THSD4: variants seen among roughly 807,000 people sequenced by gnomAD.
THSD4 encodes the protein thrombospondin type-1 domain-containing protein 4.
THSD4 carries 69 observed loss-of-function variants against 119.0 expected under a neutral mutation model. The ratio of observed to expected loss-of-function variants is 0.58; its 90% CI spans 0.48 to 0.71. The LOEUF (loss-of-function observed/expected upper bound fraction) is 0.71. Among genes scored for constraint, THSD4 ranks in the 30% least tolerant of loss-of-function variants. The pLI, the probability that THSD4 is intolerant of heterozygous loss-of-function variation, is 0.00. For missense variants in THSD4, 1,393 were observed against 1,391.1 expected (o/e 1.00, Z -0.02); for synonymous variants, 524 against 540.4 (o/e 0.97, Z 0.42).
At chr15:71,600,798 G>T (rs1048820816) in intron 7 of THSD4, among the ~76,000 whole-genome samples, 1 of 150,710 alleles carries the variant, frequency 6.6e-6, no homozygotes, top group Admixed American at 6.6e-5. Flanking sequence ...CTGGACTGGA[G>T]TGCTGTGGCG....
At chr15:71,403,592 G>T (rs753158154) in intron 6 of THSD4, among the ~76,000 whole-genome samples, 1 of 152,180 alleles carries the variant, frequency 6.6e-6, no homozygotes, top group Non-Finnish European at 1.5e-5. Context: ...TACCAAGAAT[G>T]CAAGGCCCTG....
chr15:71,346,959 C>T (rs1411558315), intron 6 of THSD4, among the ~76,000 whole-genome samples: 3 of 146,498 alleles, frequency 2.0e-5, no homozygotes, highest in South Asian at 2.2e-4. Context: ...CCGCAGCCTC[C>T]GCCTCCTGGG....
At chr15:71,287,117 C>T (rs2044728214) in intron 6 of THSD4, among the ~76,000 whole-genome samples, 1 of 152,116 alleles carries the variant, frequency 6.6e-6, no homozygotes, top group Admixed American at 6.5e-5. Context: ...GAGTCAAAGT[C>T]GTAGTCACAA....
chr15:71,669,293 A>G (rs966818030), intron 8 of THSD4, among the ~76,000 whole-genome samples: 3 of 152,066 alleles, frequency 2.0e-5, no homozygotes, highest in African/African-American at 7.2e-5. Context: ...TTTCTTATTG[A>G]TTTTAAGAAC....
intron 8 of THSD4, among the ~76,000 whole-genome samples, chr15:71,703,965 T>A (rs1423291876): frequency 6.6e-6 from 1 of 152,172 alleles, no homozygotes; most frequent in African/African-American, 2.4e-5. Context: ...TTCTTCTGCC[T>A]CAGCCTCCCG....
chr15:71,580,860 CAT>C (rs2049544749), intron 7 of THSD4, among the ~76,000 whole-genome samples: 1 of 151,816 alleles, frequency 6.6e-6, no homozygotes, highest in South Asian at 2.1e-4. Context: ...CCATTATATA[CAT>C]ATATATGTGT....
intron 1 of THSD4, among the ~76,000 whole-genome samples, chr15:71,100,401 CA>C (rs1464528253): frequency 6.6e-6 from 1 of 152,068 alleles, no homozygotes; most frequent in African/African-American, 2.4e-5. Flanking sequence ...TCCAACAGCC[CA>C]AAAGAAATGA....
chr15:71,123,903 C>T (rs1471582385), intron 1 of THSD4, among the ~76,000 whole-genome samples: 1 of 152,246 alleles, frequency 6.6e-6, no homozygotes, highest in Non-Finnish European at 1.5e-5. Flanking sequence ...GGTCTCAAAA[C>T]ACATAGCTTT....
intron 7 of THSD4, among the ~76,000 whole-genome samples, chr15:71,578,629 G>T (rs773531813): frequency 1.3e-5 from 2 of 151,458 alleles, no homozygotes; most frequent in East Asian, 2.0e-4. Context: ...AAGCCACCAC[G>T]CCCAGCCTAT....
chr15:71,161,990 A>C (rs2043253747), intron 3 of THSD4, among the ~76,000 whole-genome samples: 1 of 151,984 alleles, frequency 6.6e-6, no homozygotes, highest in Admixed American at 6.6e-5. Context: ...AAACAACTTA[A>C]CTTTAGTTGC....
chr15:71,587,787 T>TAAAAAAAAAAAAA (rs1207231444), intron 7 of THSD4, among the ~76,000 whole-genome samples: 4 of 105,542 alleles, frequency 3.8e-5, no homozygotes, highest in African/African-American at 7.2e-5. Context: ...AAAAAAAAAT[T>TAAAAAAAAAAAAA]AAAAAAAAAA....
chr15:71,441,093 C>T (rs1284835150), intron 7 of THSD4, among the ~76,000 whole-genome samples: 2 of 152,112 alleles, frequency 1.3e-5, no homozygotes, highest in African/African-American at 4.8e-5. Context: ...ACTGAGTCCA[C>T]ATCATAAAAT....
chr15:71,220,373 C>T (rs916262152), intron 4 of THSD4, among the ~76,000 whole-genome samples: 5 of 152,292 alleles, frequency 3.3e-5, no homozygotes, highest in South Asian at 2.1e-4. Flanking sequence ...CAAGCACATA[C>T]GTAGTATAAA....
chr15:71,488,790 G>T (rs893466749), intron 7 of THSD4, among the ~76,000 whole-genome samples: 1 of 151,858 alleles, frequency 6.6e-6, no homozygotes, highest in Non-Finnish European at 1.5e-5. Context: ...ACTATTCCCC[G>T]CCCCTTTCCC....
chr15:71,147,955 C>T, intron 2 of THSD4, among the ~76,000 whole-genome samples: 1 of 100,258 alleles, frequency 1.0e-5, no homozygotes, highest in South Asian at 3.6e-4. Context: ...GGTGATAGAG[C>T]AAGACTCTGT....
chr15:71,458,062 G>T (rs55769043), intron 7 of THSD4, among the ~76,000 whole-genome samples: 24,444 of 152,096 alleles, frequency 0.16, 2,528 homozygotes, highest in South Asian at 0.34. Context: ...GAAACAATCC[G>T]GTGAAAATAT....
chr15:71,138,656 C>G (rs138158978), intron 1 of THSD4, among the ~76,000 whole-genome samples: 21 of 152,228 alleles, frequency 1.4e-4, no homozygotes, highest in Middle Eastern at 3.4e-3. Flanking sequence ...TTCCCTCCCC[C>G]CTCCACAAGG....
chr15:71,337,663 T>C (rs932570683), intron 6 of THSD4, among the ~76,000 whole-genome samples: 1 of 152,182 alleles, frequency 6.6e-6, no homozygotes, highest in African/African-American at 2.4e-5. Flanking sequence ...CTCAAGAACT[T>C]GGGCCCTGGG....
chr15:71,543,249 T>C (rs1440006910), intron 7 of THSD4, among the ~76,000 whole-genome samples: 1 of 152,192 alleles, frequency 6.6e-6, no homozygotes, highest in Non-Finnish European at 1.5e-5. Context: ...CCTAAAGTTA[T>C]TTCAAAAGAA....
Sources: gnomAD v4.1 joint callset for allele counts (sites outside exome capture counted in the v4.1 genomes callset) on GRCh38, gnomAD v4.1.1 for gene constraint, MANE v1.5 for transcripts, NCBI Gene and HGNC (gene_info 2026-07-23, HGNC 2026-07-21) for gene names.